ABCC12: variants seen among roughly 807,000 people sequenced by gnomAD.
The protein encoded by ABCC12 is ATP binding cassette subfamily C member 12.
ABCC12 carries 142 observed loss-of-function variants against 151.1 expected under a neutral mutation model. The observed-to-expected ratio is 0.94, with a 90% CI of 0.82 to 1.08. ABCC12 has a LOEUF of 1.08. ABCC12 is among the 50% of genes least tolerant of loss of function. The pLI, the probability that ABCC12 is intolerant of heterozygous loss-of-function variation, is 0.00. For synonymous variants in ABCC12, 645 were observed against 646.4 expected (o/e 1.00, Z 0.03); for missense variants, 1,638 against 1,691.1 (o/e 0.97, Z 0.55).
chr16:48,141,588 C>G (rs1964818205), intron 4 of ABCC12, among the ~76,000 whole-genome samples: 1 of 152,194 alleles, frequency 6.6e-6, no homozygotes, highest in Non-Finnish European at 1.5e-5. Context: ...CCTTGCCAGG[C>G]CTTCTTTTCC....
Position 48,083,717 on chromosome 16 carries a change from A to T in ABCC12, c.4078T>A (p.Ter1360LysextTer14). The T allele has an allele frequency of 6.2e-7, 1 of 1,614,142 alleles. No homozygotes were observed. Among genetic ancestry groups the T allele is most frequent in the Non-Finnish European group, 8.5e-7 (1 of 1,180,002 alleles). Reference sequence around the variant, plus strand: ...TCTAGAATCAGCCGCCAGGACCTCTACAATCTGACTTCTGCTGCTAGTAAC... The same window carrying T: ...TCTAGAATCAGCCGCCAGGACCTCTTCAATCTGACTTCTGCTGCTAGTAAC... ...AMLLAAEVRL[*>K] The change falls in exon 31 of 31, where the codon TAG becomes AAG. Residue 1360 changes from the stop codon to lysine (K), a stop_lost. Transcript: ENST00000311303.
chr16:48,152,082 A>C (rs2150687237), intron 2 of ABCC12, among the ~76,000 whole-genome samples: 1 of 152,330 alleles, frequency 6.6e-6, no homozygotes, highest in Non-Finnish European at 1.5e-5. Flanking sequence ...GAAAGACTTC[A>C]GATTCAAAAC....
At chr16:48,128,265 T>C (rs1262094921) in intron 11 of ABCC12, among the ~76,000 whole-genome samples, 194 bp downstream of exon 11, 1 of 152,222 alleles carries the variant, frequency 6.6e-6, no homozygotes, top group Non-Finnish European at 1.5e-5. Context: ...CACCGTCTTC[T>C]CCACACTTGG....
intron 11 of ABCC12, among the ~76,000 whole-genome samples, chr16:48,126,726 G>A (rs1466825412): frequency 1.3e-5 from 2 of 152,284 alleles, no homozygotes; most frequent in Middle Eastern, 3.4e-3. Flanking sequence ...AAGTGGCTGG[G>A]CCTGGAACTG....
At chr16:48,108,176 G>A (rs1963562705) in intron 19 of ABCC12, among the ~76,000 whole-genome samples, 1 of 152,204 alleles carries the variant, frequency 6.6e-6, no homozygotes, top group Admixed American at 6.6e-5. Context: ...CAACTGGAGT[G>A]CAAGGGTAGG....
intron 18 of ABCC12, among the ~76,000 whole-genome samples, 172 bp downstream of exon 18, chr16:48,111,264 G>A (rs943426667): frequency 1.3e-5 from 2 of 152,170 alleles, no homozygotes; most frequent in African/African-American, 4.8e-5. Flanking sequence ...AGTAAGTGGT[G>A]GAGCCAAAAT....
intron 1 of ABCC12, among the ~76,000 whole-genome samples, chr16:48,155,075 C>G (rs980566650): frequency 3.5e-4 from 53 of 152,194 alleles, no homozygotes; most frequent in African/African-American, 1.3e-3. Flanking sequence ...GCAGCCAGAT[C>G]AGAAAGCCCT....
intron 6 of ABCC12, among the ~76,000 whole-genome samples, chr16:48,140,476 A>G (rs1399251022): frequency 6.6e-6 from 1 of 152,110 alleles, no homozygotes; most frequent in Non-Finnish European, 1.5e-5. Context: ...AAGTCTCTCC[A>G]AATTCTCCAG....
chr16:48,112,956 T>C (rs1158901751), intron 15 of ABCC12, among the ~76,000 whole-genome samples: 1 of 152,330 alleles, frequency 6.6e-6, no homozygotes, highest in Non-Finnish European at 1.5e-5. Flanking sequence ...AGAGTTCTGC[T>C]AAGAGGGTTT....
chr16:48,128,627 C>T lies in ABCC12; in HGVS notation c.1347G>A (p.Arg449=), dbSNP rs1458494878. 4 of 1,614,182 alleles carry T rather than the reference C, an allele frequency of 2.5e-6. No homozygotes were observed. The East Asian group carries it at 8.9e-5, about 36-fold the overall frequency. The change falls in exon 11 of 31, where the codon AGG becomes AGA. Residue 449 remains arginine (R), a synonymous_variant. Transcript: ENST00000311303. ...ATLTWEHEAS[R]KSTPKKLQNQ... ...TCTGCAATTTCTTTGGGGTACTTTTCCTGCTGGCTTCATGCTCCCATGTCA... is the reference window on the plus strand; with the variant it reads ...TCTGCAATTTCTTTGGGGTACTTTTTCTGCTGGCTTCATGCTCCCATGTCA...
In ABCC12 at chr16:48,088,586, T is replaced by A. The variant is rs551627862; in HGVS notation, c.3434A>T (p.Gln1145Leu). 6.2e-7 allele frequency: 1 copy of A among 1,614,190 alleles called. No individual in the cohort carries two copies. Among genetic ancestry groups the A allele is most frequent in the East Asian group, 2.2e-5 (1 of 44,886 alleles). ...AACAATCCCGACTGTCTGCCCACTT[T>A]GTATGTTCAAGTTCAGGCTGTCGAG... ...LVLDSLNLNI[Q>L]SGQTVGIVGR... Residue 1145 changes from glutamine (Q) to leucine (L), a missense_variant, in exon 26 of 31, where the codon CAA (glutamine) becomes CTA (leucine). Physicochemically the swap from Gln to Leu is moderately radical, Grantham distance 113. Coordinates refer to ENST00000311303, the MANE Select transcript of ABCC12 (RefSeq NM_001393797.1).
chr16:48,104,060 A>G (rs1963396244), intron 22 of ABCC12, 82 bp downstream of exon 22: 1 of 1,404,946 alleles, frequency 7.1e-7, no homozygotes, highest in African/African-American at 1.4e-5. Flanking sequence ...AAAGACAGCA[A>G]GCACTCCATG....
chr16:48,093,686 G>C (rs1453741707), intron 24 of ABCC12, among the ~76,000 whole-genome samples: 1 of 152,170 alleles, frequency 6.6e-6, no homozygotes, highest in East Asian at 1.9e-4. Context: ...GGGGATATCT[G>C]GCAAATGAAT....
rs751359021 is a variant in ABCC12, at chr16:48,088,079, G to A, written c.3482C>T (p.Ser1161Leu). ...GIVGRTGSGK[S>L]SLGMALFRLV... ...ACGAAACAAAGCCATTCCTAACGAT[G>A]ACTTTCCTGGGAACCATAAAAGTAA... The change falls in exon 27 of 31, where the codon TCA becomes TTA. Residue 1161 changes from serine to leucine, a missense_variant. By Grantham distance (145) the Ser-to-Leu change is moderately radical. Transcript: ENST00000311303. 6.2e-7 allele frequency: 1 copy of A among 1,613,384 alleles called. No homozygotes were observed. The highest frequency in any genetic ancestry group is 8.5e-7 in the Non-Finnish European group (1 of 1,179,612).
chr16:48,145,706 A>C (rs1964975797), intron 3 of ABCC12, among the ~76,000 whole-genome samples: 1 of 152,240 alleles, frequency 6.6e-6, no homozygotes, highest in African/African-American at 2.4e-5. Context: ...CTGGAGGTTG[A>C]GCACACGCGG....
chr16:48,116,328 G>A (rs59728440), intron 14 of ABCC12, among the ~76,000 whole-genome samples: 2,694 of 152,270 alleles, frequency 0.018, 77 homozygotes, highest in African/African-American at 0.062. Flanking sequence ...GGAGCTCCAC[G>A]GTGGGCAGGG....
At chr16:48,106,936 T>G (rs1170708313) in intron 20 of ABCC12, among the ~76,000 whole-genome samples, 1 of 152,226 alleles carries the variant, frequency 6.6e-6, no homozygotes, top group African/African-American at 2.4e-5. Context: ...CTTCTGGCAC[T>G]GGGCAGTGTC....
At chr16:48,101,509 C>T (rs1022345819) in intron 22 of ABCC12, among the ~76,000 whole-genome samples, 6 of 151,998 alleles carry the variant, frequency 3.9e-5, no homozygotes, top group Non-Finnish European at 8.8e-5. Context: ...ATGCAGCTCC[C>T]CTTTATGTGG....
intron 22 of ABCC12, among the ~76,000 whole-genome samples, 165 bp from the exon 23 acceptor site, chr16:48,101,174 C>A (rs556423912): frequency 6.6e-6 from 1 of 152,304 alleles, no homozygotes; most frequent in East Asian, 1.9e-4. Flanking sequence ...GTGGTGCCTG[C>A]CCCAGGTGTG....
Sources: gnomAD v4.1 joint callset for allele counts (sites outside exome capture counted in the v4.1 genomes callset) on GRCh38, gnomAD v4.1.1 for gene constraint, MANE v1.5 for transcripts, NCBI Gene and HGNC (gene_info 2026-07-23, HGNC 2026-07-21) for gene names.